Variants in GRIN2A observed in about 807,000 individuals in gnomAD.
GRIN2A encodes glutamate receptor ionotropic, NMDA 2A.
A neutral mutation model predicts 113.4 loss-of-function variants in GRIN2A; 22 were observed. The ratio of observed to expected loss-of-function variants is 0.19; its 90% CI spans 0.14 to 0.28. The LOEUF (loss-of-function observed/expected upper bound fraction) is 0.28, where lower values mean the gene tolerates loss of function less well. Among genes scored for constraint, GRIN2A ranks in the 10% least tolerant of loss-of-function variants. The pLI is 1.00. For missense variants in GRIN2A, 1,502 were observed against 1,887.0 expected, an observed-to-expected ratio of 0.80 and a Z score of 3.78; for synonymous variants, 827 against 738.4, an observed-to-expected ratio of 1.12 and a Z score of -1.94.
chr16:9,838,430 A>T (rs188950943), intron 7 of GRIN2A, among the ~76,000 whole-genome samples: 1 of 152,324 alleles, frequency 6.6e-6, no homozygotes, highest in African/African-American at 2.4e-5. Flanking sequence ...CATAAAGAAA[A>T]TGTGGTATAT....
chr16:10,168,838 G>T (rs1296872475), intron 2 of GRIN2A, among the ~76,000 whole-genome samples: 1 of 152,002 alleles, frequency 6.6e-6, no homozygotes, highest in African/African-American at 2.4e-5. Context: ...GGTGGCAGGT[G>T]CCTGTAATCC....
intron 2 of GRIN2A, among the ~76,000 whole-genome samples, chr16:10,117,657 G>A (rs1010691380): frequency 6.6e-6 from 1 of 152,184 alleles, no homozygotes; most frequent in Non-Finnish European, 1.5e-5. Flanking sequence ...CATTGTTCCA[G>A]CACTGAACCA....
rs536452243 is a variant in GRIN2A at position 9,847,914 on chromosome 16, T to A, written c.1328+1842A>T. The stretch of plus-strand genomic sequence containing the variant: ...CTCCAAACCAAAACAGGCCTTATTT[T>A]TATATGTTTTATATATATATAAAAA... On this transcript the variant is annotated intron_variant, in intron 5 of 12. Coordinates refer to ENST00000330684, the MANE Select transcript of GRIN2A (RefSeq NM_001134407.3). 4.2e-3 allele frequency among the ~76,000 whole-genome samples: 612 copies of A among 146,406 alleles called. 3 individuals are homozygous for A. The highest frequency in any genetic ancestry group is 0.012 in the South Asian group (55 of 4,774).
In GRIN2A at chr16:9,809,466, A is replaced by G. The variant is rs139154092; in HGVS notation, c.2169-11002T>C. Among the ~76,000 whole-genome samples the G allele has an allele frequency of 7.9e-4, 120 of 152,278 alleles. 1 individual carries two copies. The highest frequency in any genetic ancestry group is 3.4e-3 in the Middle Eastern group (1 of 294). ...AACATATGCAAATGCATATAATAAA[A>G]GTCTTGGAGAAATGGAACGTACATC... On this transcript the variant is annotated intron_variant, in intron 10 of 12. Coordinates refer to ENST00000330684, the MANE Select transcript of GRIN2A (RefSeq NM_001134407.3).
At chr16:10,066,085 T>G (rs2047643198) in intron 2 of GRIN2A, among the ~76,000 whole-genome samples, 1 of 152,178 alleles carries the variant, frequency 6.6e-6, no homozygotes, top group African/African-American at 2.4e-5. Context: ...CCAGCACATC[T>G]TAGGAACTGA....
chr16:9,994,832 T>C (rs1291748719), intron 2 of GRIN2A, among the ~76,000 whole-genome samples: 1 of 152,228 alleles, frequency 6.6e-6, no homozygotes, highest in Non-Finnish European at 1.5e-5. Flanking sequence ...CCTGTTGCTA[T>C]GGTAATTAGA....
intron 11 of GRIN2A, among the ~76,000 whole-genome samples, chr16:9,773,192 TGTTTC>T: frequency 6.6e-6 from 1 of 152,362 alleles, no homozygotes; most frequent in South Asian, 2.1e-4. Flanking sequence ...TTTCTGTTTC[TGTTTC>T]TTTTCTTACA....
intron 10 of GRIN2A, among the ~76,000 whole-genome samples, chr16:9,820,686 C>T (rs1468872477): frequency 6.6e-6 from 1 of 152,064 alleles, no homozygotes; most frequent in Non-Finnish European, 1.5e-5. Flanking sequence ...AAACAGCAGG[C>T]ACCAAGAATC....
chr16:9,835,338 G>C (rs12597767), intron 7 of GRIN2A, among the ~76,000 whole-genome samples: 1 of 152,178 alleles, frequency 6.6e-6, no homozygotes, highest in Non-Finnish European at 1.5e-5. Flanking sequence ...ATGTAACTTA[G>C]GCAGTAGGTG....
intron 10 of GRIN2A, among the ~76,000 whole-genome samples, chr16:9,819,167 G>GT (rs2042236399): frequency 1.3e-5 from 2 of 152,044 alleles, no homozygotes; most frequent in South Asian, 2.1e-4. Context: ...ACTTTTCACT[G>GT]TTTTTTTCTT....
At chr16:9,917,144 C>T (rs543201384) in intron 3 of GRIN2A, among the ~76,000 whole-genome samples, 1 of 152,328 alleles carries the variant, frequency 6.6e-6, no homozygotes, top group East Asian at 1.9e-4. Flanking sequence ...CACCCTTCAG[C>T]TTTCAGTAGA....
chr16:9,977,241 A>T (rs2045792555), intron 2 of GRIN2A, among the ~76,000 whole-genome samples: 2 of 142,750 alleles, frequency 1.4e-5, no homozygotes, highest in Non-Finnish European at 3.0e-5. Flanking sequence ...GCAGTGAGCC[A>T]TGACTGTGTC....
intron 3 of GRIN2A, among the ~76,000 whole-genome samples, chr16:9,918,324 G>A (rs1038705293): frequency 2.6e-5 from 4 of 152,192 alleles, no homozygotes; most frequent in African/African-American, 9.7e-5. Context: ...GTACAGAACT[G>A]TGTATGTATC....
chr16:10,159,744 T>C (rs932827060), intron 2 of GRIN2A, among the ~76,000 whole-genome samples: 2 of 152,216 alleles, frequency 1.3e-5, no homozygotes, highest in East Asian at 3.8e-4. Flanking sequence ...AGCTAAATGA[T>C]ACACAAATAT....
chr16:9,981,885 C>G (rs999644029), intron 2 of GRIN2A, among the ~76,000 whole-genome samples: 7 of 152,162 alleles, frequency 4.6e-5, no homozygotes, highest in African/African-American at 1.7e-4. Context: ...CTCCTGTGCT[C>G]AAATGATTCT....
At chr16:9,972,158 G>A (rs74844548) in intron 2 of GRIN2A, among the ~76,000 whole-genome samples, 5,145 of 152,222 alleles carry the variant, frequency 0.034, 295 homozygotes, top group African/African-American at 0.12. Flanking sequence ...GAGTAGACAA[G>A]GCTCAAAGTA....
chr16:9,804,490 C>T (rs1254736199), intron 10 of GRIN2A, among the ~76,000 whole-genome samples: 1 of 152,072 alleles, frequency 6.6e-6, no homozygotes, highest in Admixed American at 6.5e-5. Flanking sequence ...TTCTCAGTTC[C>T]TACCCAGGTA....
chr16:9,903,737 A>C (rs956893413), intron 3 of GRIN2A, among the ~76,000 whole-genome samples: 1 of 152,216 alleles, frequency 6.6e-6, no homozygotes, highest in Non-Finnish European at 1.5e-5. Context: ...TGTGGCACAC[A>C]CCACTTAGAG....
intron 2 of GRIN2A, among the ~76,000 whole-genome samples, chr16:10,170,900 T>A (rs1030125062): frequency 1.4e-5 from 2 of 146,982 alleles, no homozygotes; most frequent in Non-Finnish European, 3.1e-5. Flanking sequence ...AAAAAAAAAA[T>A]TGTGTTGTAC....
Sources: allele counts gnomAD v4.1 joint callset (sites outside exome capture counted in the v4.1 genomes callset), GRCh38; gene constraint gnomAD v4.1.1; transcripts MANE v1.5; gene names NCBI Gene and HGNC (gene_info 2026-07-23, HGNC 2026-07-21).